The following NEB variants were observed in gnomAD, a reference collection of about 807,000 sequenced individuals.
NEB encodes the protein nebulin, also known as nemaline myopathy type 2.
Under a neutral mutation model 952.2 loss-of-function variants are expected in NEB, and 512 were observed. The observed-to-expected ratio is 0.54, with a 90% confidence interval of 0.50 to 0.58. The LOEUF (loss-of-function observed/expected upper bound fraction) is 0.58. Ranked by LOEUF, NEB falls within the 20% of genes least tolerant of loss-of-function variation. The probability of loss-of-function intolerance (pLI) is 0.00; values close to 1 mark genes in which losing one functional copy is unlikely to be tolerated. For synonymous variants in NEB, 2,900 were observed against 3,149.8 expected, an observed-to-expected ratio of 0.92 and a Z score of 2.66; for missense variants, 8,428 against 9,231.1, an observed-to-expected ratio of 0.91 and a Z score of 3.56.
Position 151,671,145 on chromosome 2 carries a change from T to C in NEB, c.4384A>G (p.Lys1462Glu), listed in dbSNP as rs764730223. 7.4e-6 allele frequency: 12 copies of C among 1,613,882 alleles called. No individual in the cohort carries two copies. Among genetic ancestry groups the C allele is most frequent in the Admixed American group, 1.7e-5 (1 of 60,004 alleles). Residue 1462 changes from lysine to glutamate, a missense_variant, in exon 38 of 182, where the codon AAA (lysine) becomes GAA (glutamate). Physicochemically the swap from Lys to Glu is moderately conservative, Grantham distance 56 (BLOSUM62 1). Around this residue, in one of 11 missense-constraint regions of NEB, gnomAD observed 2,851 missense variants for 2,791.5 expected, o/e 1.02. Transcript: ENST00000397345. ...IGSLEVEKVK[K>E]AGDALNERKY... is the part of the protein sequence containing the mutation. ...CTCTCATTTAATGCATCGCCTGCTTTCTTGACCTTCTCCACCTCCAGGGAA... is the reference window on the plus strand; with the variant it reads ...CTCTCATTTAATGCATCGCCTGCTTCCTTGACCTTCTCCACCTCCAGGGAA...
intron 24 of NEB, 37 bp downstream of exon 24, chr2:151,690,690 C>T (rs1381879337): frequency 4.8e-6 from 7 of 1,453,832 alleles, no homozygotes; most frequent in Non-Finnish European, 5.7e-6. Context: ...GCAAAGCACT[C>T]TGGGTCACCC....
intron 28 of NEB, among the ~76,000 whole-genome samples, chr2:151,684,316 A>G (rs1380938839): frequency 6.6e-6 from 1 of 152,204 alleles, no homozygotes; most frequent in Non-Finnish European, 1.5e-5. Context: ...TGATCTGCAG[A>G]AAAAACCGTT....
chr2:151,648,208 A>T (rs532800993), intron 54 of NEB, among the ~76,000 whole-genome samples: 5 of 152,198 alleles, frequency 3.3e-5, no homozygotes, highest in African/African-American at 7.2e-5. Context: ...TCAATAAAAA[A>T]TTTTTTTGTC....
chr2:151,496,439 A>T (rs776999871), intron 172 of NEB, 71 bp from the exon 173 acceptor site: 184 of 1,515,250 alleles, frequency 1.2e-4, no homozygotes, highest in Non-Finnish European at 1.6e-4. Context: ...TTTTAAGGGT[A>T]AGGTCAACTT....
At chr2:151,695,394 A>G (rs1340779145) in intron 18 of NEB, among the ~76,000 whole-genome samples, 184 bp downstream of exon 18, 1 of 152,232 alleles carries the variant, frequency 6.6e-6, no homozygotes, top group Admixed American at 6.5e-5. Context: ...TACTTATAAG[A>G]TTGCTACACA....
chr2:151,495,675 C>CAACA (rs1025452466), intron 173 of NEB, among the ~76,000 whole-genome samples: 3 of 152,018 alleles, frequency 2.0e-5, no homozygotes, highest in African/African-American at 7.2e-5. Context: ...AGAACAACAA[C>CAACA]AACAACAAAC....
chr2:151,727,812 G>GCTCT lies in NEB; in HGVS notation c.172_173insAGAG (p.Ala58GlufsTer41). 1 of 1,599,120 alleles carries GCTCT rather than the reference G, an allele frequency of 6.3e-7. No individual in the cohort carries two copies. The highest frequency in any genetic ancestry group is 8.5e-7 in the Non-Finnish European group (1 of 1,174,004). ...CACCGGCTTTGCTGATGCTGGCTGT[G>GCTCT]CCAGTGCTGGCTGTGCCAGAGCTGG... is the stretch of plus-strand genomic sequence containing the variant. On this transcript the variant is annotated frameshift_variant, in exon 5 of 182. Transcript: ENST00000397345. LOFTEE classifies it high-confidence loss of function.
At chr2:151,659,368 C>T (rs930231844) in intron 46 of NEB, among the ~76,000 whole-genome samples, 199 bp from the exon 47 acceptor site, 4 of 152,146 alleles carry the variant, frequency 2.6e-5, no homozygotes, top group Non-Finnish European at 2.9e-5. Context: ...GCAATTATGG[C>T]TCACTGCAAC....
Position 151,505,575 on chromosome 2 carries a change from A to G in NEB, c.23650-5T>C. The G allele has an allele frequency of 6.2e-7, 1 of 1,608,092 alleles. No homozygotes were observed. Among genetic ancestry groups the G allele is most frequent in the Admixed American group, 1.7e-5 (1 of 60,020 alleles). The stretch of plus-strand genomic sequence containing the variant: ...TATTGCTTCCTTATACTTCACCTGC[A>G]GATTTAAAAATGGGAAAAGAAAGGT... On this transcript the variant is annotated splice_polypyrimidine_tract_variant and splice_region_variant and intron_variant, in intron 164 of 181. Coordinates refer to ENST00000397345, the MANE Select transcript of NEB (RefSeq NM_001164508.2).
At chr2:151,566,140 C>T (rs141330436) in intron 114 of NEB, among the ~76,000 whole-genome samples, 306 of 152,218 alleles carry the variant, frequency 2.0e-3, no homozygotes, top group African/African-American at 7.0e-3. Context: ...TTTCTGCTAT[C>T]GTCATAAGAA....
Position 151,581,471 on chromosome 2 carries a change from G to C in NEB, c.16284+12C>G. 1 of 738,888 alleles carries C rather than the reference G, an allele frequency of 1.4e-6. No homozygotes were observed. Among genetic ancestry groups the C allele is most frequent in the Non-Finnish European group, 2.1e-6 (1 of 465,414 alleles). The allele number at this position is 738,888 out of a possible 1,614,324, so 45.8% of individuals were successfully genotyped here. A position where few individuals can be genotyped will look rare whatever the true frequency, so the allele number is the denominator to read the frequency against. ...GAGCACTGTGAAAAGCAAATGATGT[G>C]TGCTGTCTTACATTGCTGATCTGCA... On this transcript the variant is annotated intron_variant, in intron 103 of 181. Transcript: ENST00000397345.
intron 32 of NEB, 88 bp downstream of exon 32, chr2:151,679,633 T>C: frequency 1.2e-6 from 1 of 850,216 alleles, no homozygotes; most frequent in Non-Finnish European, 1.9e-6. Context: ...GGGGACTGCA[T>C]GCATGGAGAC....
chr2:151,682,009 T>C (rs1253131237), intron 29 of NEB, among the ~76,000 whole-genome samples: 1 of 152,214 alleles, frequency 6.6e-6, no homozygotes, highest in Non-Finnish European at 1.5e-5. Flanking sequence ...TGCCATTACT[T>C]TTAATGTCAA....
At position 151,692,297 on chromosome 2, in the gene NEB, T is replaced by C. The variant is rs373858974; in HGVS notation, c.1962A>G (p.Lys654=). 5.6e-6 allele frequency: 9 copies of C among 1,613,762 alleles called. No homozygotes were observed. Among genetic ancestry groups the C allele is most frequent in the Non-Finnish European group, 7.6e-6 (9 of 1,179,822 alleles). The change falls in exon 21 of 182, where the codon AAA becomes AAG. Residue 654 remains lysine (K), a synonymous_variant. Coordinates refer to ENST00000397345, the MANE Select transcript of NEB (RefSeq NM_001164508.2). The part of the protein sequence containing the change: ...AKSMNYCETP[K]YQLDTQLKNF... ...TCTTCAGCTGAGTATCAAGTTGATA[T>C]TTTGGGGTCTCACAGTAATTCATAC...
Position 151,644,450 on chromosome 2 carries a change from C to G in NEB, c.7644+18G>C, listed in dbSNP as rs772614356. On this transcript the variant is annotated intron_variant, in intron 56 of 181. Transcript: ENST00000397345. ...TAAATTGCAATCAAATCAATATCAACAGAGGATAAAATCTTACTTCACTGG... is the reference window on the plus strand; with the variant it reads ...TAAATTGCAATCAAATCAATATCAAGAGAGGATAAAATCTTACTTCACTGG... 2.1e-4 allele frequency: 328 copies of G among 1,586,012 alleles called. No individual in the cohort carries two copies. Among genetic ancestry groups the G allele is most frequent in the Non-Finnish European group, 2.8e-4 (319 of 1,154,888 alleles).
At chr2:151,677,368 AAAGG>A (rs1355513668) in intron 34 of NEB, among the ~76,000 whole-genome samples, 193 bp downstream of exon 34, 31 of 152,222 alleles carry the variant, frequency 2.0e-4, no homozygotes, top group African/African-American at 7.5e-4. Context: ...AAGTTTTTAA[AAAGG>A]AAGATAAAAA....
At chr2:151,509,752 C>T (rs924047548) in intron 161 of NEB, among the ~76,000 whole-genome samples, 12 of 152,216 alleles carry the variant, frequency 7.9e-5, no homozygotes, top group African/African-American at 2.6e-4. Context: ...CTCAGGCTTC[C>T]GAGTAGCTGG....
At chr2:151,689,197 C>CTTTTTTTTTTTTT (rs11305294) in intron 24 of NEB, 1 of 57,900 alleles carries the variant, frequency 1.7e-5, no homozygotes, top group African/African-American at 6.3e-5. Flanking sequence ...GATATATACT[C>CTTTTTTTTTTTTT]TTTTTTTTTT....
intron 9 of NEB, 111 bp from the exon 10 acceptor site, chr2:151,717,631 C>A (rs2099762644): frequency 1.3e-6 from 1 of 795,708 alleles, no homozygotes; most frequent in Non-Finnish European, 2.1e-6. Context: ...ATGTTACATA[C>A]CATTGCTCTC....
Sources: allele counts gnomAD v4.1 joint callset (sites outside exome capture counted in the v4.1 genomes callset), GRCh38; gene constraint gnomAD v4.1.1; regional missense constraint gnomAD v4.1.1; transcripts MANE v1.5; gene names NCBI Gene and HGNC (gene_info 2026-07-23, HGNC 2026-07-21).